NVL: variants seen among roughly 807,000 people sequenced by gnomAD.
NVL encodes nuclear valosin-containing protein-like.
In NVL, 84 loss-of-function variants were observed where a neutral mutation model predicts 110.2. The observed-to-expected ratio is 0.76, with a 90% CI of 0.64 to 0.91. NVL has a LOEUF of 0.91. NVL is among the 40% of genes least tolerant of loss of function. The pLI, the probability that NVL is intolerant of heterozygous loss-of-function variation, is 0.00. For synonymous variants in NVL, 354 were observed against 361.1 expected (o/e 0.98, Z 0.22); for missense variants, 882 against 1,035.9 (o/e 0.85, Z 2.04).
chr1:224,301,177 TAC>T (rs1311651075), intron 9 of NVL, among the ~76,000 whole-genome samples: 2 of 152,300 alleles, frequency 1.3e-5, no homozygotes, highest in African/African-American at 4.8e-5. Context: ...TTTTATTTTA[TAC>T]ATGTCACTAT....
rs529253060 is a variant in NVL at position 224,258,977 on chromosome 1, A to G, written c.2183-8659T>C. 8.7e-3 allele frequency among the ~76,000 whole-genome samples: 795 copies of G among 91,614 alleles called. 8 individuals are homozygous for G. The highest frequency in any genetic ancestry group is 0.013 in the Non-Finnish European group (543 of 41,794). 60.1% of individuals were successfully genotyped at this position (91,614 alleles called of 152,430 possible). On this transcript the variant is annotated intron_variant, in intron 18 of 22. Transcript: ENST00000281701. ...GGTTAACATGAGACCCTGTCTCTAC[A>G]TTAAAAAAAAAAAAAAAAAAAAAAA...
intron 16 of NVL, among the ~76,000 whole-genome samples, chr1:224,280,182 T>TTG (rs1306962565): frequency 6.7e-6 from 1 of 150,180 alleles, no homozygotes; most frequent in African/African-American, 2.4e-5. Context: ...TTTTTTTGTT[T>TTG]TTTTTTTTTT....
intron 6 of NVL, 41 bp from the exon 7 acceptor site, chr1:224,305,207 C>A (rs776117341): frequency 1.9e-6 from 3 of 1,568,700 alleles, no homozygotes; most frequent in South Asian, 2.4e-5. Flanking sequence ...GCTTAAAATT[C>A]TATGCCAATA....
Position 224,308,244 on chromosome 1 carries a change from C to G in NVL, c.362G>C (p.Ser121Thr), listed in dbSNP as rs768250156. The change falls in exon 6 of 23, where the codon AGT becomes ACT. Residue 121 changes from serine to threonine, a missense_variant. This residue lies in a region of NVL where 274 missense variants were observed against 268.4 expected (regional missense o/e 1.02). Coordinates refer to ENST00000281701, the MANE Select transcript of NVL (RefSeq NM_002533.4). The stretch of plus-strand genomic sequence containing the variant: ...TTTCCGATATAAAGACAGCAGGGAA[C>G]TGTTCATGTGATTTGCTGACTGGCA... The part of the protein sequence containing the change: ...PDPQSANHMN[S>T]SLLSLYRKGN... 1.2e-5 allele frequency: 19 copies of G among 1,607,252 alleles called. No individual in the cohort carries two copies. In the Admixed American group the frequency reaches 2.9e-4, roughly 25 times the overall value.
At position 224,303,713 on chromosome 1, in the gene NVL, C is replaced by A; in HGVS notation, c.960+10G>T. ...AACAGCAAAAGCAAACAAATGTCAG[C>A]AAGCCTCACCCCAGCAATTGCATGT... On this transcript the variant is annotated intron_variant, in intron 9 of 22. Transcript: ENST00000281701. 1 of 1,599,342 alleles carries A rather than the reference C, an allele frequency of 6.3e-7. No individual in the cohort carries two copies. Among genetic ancestry groups the A allele is most frequent in the Non-Finnish European group, 8.5e-7 (1 of 1,173,146 alleles).
chr1:224,326,946 A>G (rs867165907), intron 1 of NVL, among the ~76,000 whole-genome samples: 1 of 152,202 alleles, frequency 6.6e-6, no homozygotes. Context: ...GTTTGAGACC[A>G]CCCTGGGCAA....
chr1:224,294,324 G>A lies in NVL; in HGVS notation c.1268C>T (p.Ala423Val), dbSNP rs781514862. The A allele has an allele frequency of 8.1e-6, 13 of 1,613,870 alleles. No individual in the cohort carries two copies. Among genetic ancestry groups the A allele is most frequent in the South Asian group, 2.2e-5 (2 of 91,068 alleles). Residue 423 changes from alanine to valine, a missense_variant, in exon 12 of 23, where the codon GCG becomes GTG. Ala to Val is a moderately conservative substitution (Grantham distance 64). Around this residue, in one of 4 missense-constraint regions of NVL, gnomAD observed 416 missense variants for 499.3 expected, o/e 0.83. Transcript: ENST00000281701. ...PDSLDPALRR[A>V]GRFDREICLG... ...GCATATTTCTCGGTCGAACCTTCCCGCACGTCTCAAAGCAGGGTCTAACGA... is the reference window on the plus strand; with the variant it reads ...GCATATTTCTCGGTCGAACCTTCCCACACGTCTCAAAGCAGGGTCTAACGA...
At chr1:224,265,743 T>C (rs1049131198) in intron 18 of NVL, among the ~76,000 whole-genome samples, 4 of 151,860 alleles carry the variant, frequency 2.6e-5, no homozygotes, top group African/African-American at 9.7e-5. Flanking sequence ...TTCAAGAGAG[T>C]GGGTAAGTTA....
chr1:224,271,095 CAGG>C (rs1665048565), intron 17 of NVL, among the ~76,000 whole-genome samples: 1 of 152,274 alleles, frequency 6.6e-6, no homozygotes, highest in African/African-American at 2.4e-5. Context: ...ATGTCCAAAA[CAGG>C]AGAATTATTA....
intron 19 of NVL, among the ~76,000 whole-genome samples, chr1:224,249,221 G>A (rs1222859998): frequency 2.6e-5 from 4 of 152,004 alleles, no homozygotes; most frequent in Non-Finnish European, 5.9e-5. Context: ...TTGGCTGACT[G>A]CAACCTCCAC....
chr1:224,296,909 A>G (rs1667936989), intron 10 of NVL, among the ~76,000 whole-genome samples: 1 of 152,216 alleles, frequency 6.6e-6, no homozygotes, highest in African/African-American at 2.4e-5. Flanking sequence ...TAAATTAGAT[A>G]CATTTGCTAT....
intron 15 of NVL, among the ~76,000 whole-genome samples, chr1:224,281,871 C>G (rs1007718724): frequency 4.7e-5 from 7 of 149,576 alleles, no homozygotes; most frequent in Non-Finnish European, 8.9e-5. Flanking sequence ...GAGAATTGCT[C>G]GCACCCGGGA....
chr1:224,308,082 A>G lies in NVL; in HGVS notation c.524T>C (p.Ile175Thr). Reference sequence around the variant, plus strand: ...TTTCTTTACACTTGGGGTTTTGTCAATAAACCATCCTCCTTCAGAATCTTT... The same window carrying G: ...TTTCTTTACACTTGGGGTTTTGTCAGTAAACCATCCTCCTTCAGAATCTTT... The part of the protein sequence containing the change: ...PAKDSEGGWF[I>T]DKTPSVKKDS... Residue 175 changes from isoleucine to threonine, a missense_variant, in exon 6 of 23, where the codon ATT (isoleucine) becomes ACT (threonine). Ile to Thr is a moderately conservative substitution (Grantham distance 89). Coordinates refer to ENST00000281701, the MANE Select transcript of NVL (RefSeq NM_002533.4). The G allele has an allele frequency of 6.2e-7, 1 of 1,610,762 alleles. No individual in the cohort carries two copies. The highest frequency in any genetic ancestry group is 8.5e-7 in the Non-Finnish European group (1 of 1,179,052).
intron 18 of NVL, chr1:224,257,083 A>C (rs1382478217): frequency 1.9e-6 from 1 of 532,808 alleles, no homozygotes; most frequent in African/African-American, 1.9e-5. Context: ...CAACTTTGGG[A>C]AATCTGGGAA....
At position 224,247,049 on chromosome 1, in the gene NVL, C is replaced by T. The variant is rs115395077; in HGVS notation, c.2289+3163G>A. Among the ~76,000 whole-genome samples the T allele has an allele frequency of 8.8e-3, 1,195 of 135,092 alleles. 20 individuals are homozygous for T. Among genetic ancestry groups the T allele is most frequent in the African/African-American group, 0.033 (1,114 of 33,354 alleles). The allele number at this position is 135,092 out of a possible 152,430, so 88.6% of individuals were successfully genotyped here. A position where few individuals can be genotyped will look rare whatever the true frequency, so the allele number is the denominator to read the frequency against. On this transcript the variant is annotated intron_variant, in intron 19 of 22. Coordinates refer to ENST00000281701, the MANE Select transcript of NVL (RefSeq NM_002533.4). The stretch of plus-strand genomic sequence containing the variant: ...AAACAGGGTCTCTTTTTTTGACATA[C>T]TGTGTCAAAAAAAAAAAAAAAAAAA...
intron 18 of NVL, among the ~76,000 whole-genome samples, chr1:224,258,123 C>G (rs558670896): frequency 3.9e-5 from 6 of 152,260 alleles, no homozygotes; most frequent in Admixed American, 3.9e-4. Context: ...AGACAACCCA[C>G]AGATTGGTGA....
intron 9 of NVL, among the ~76,000 whole-genome samples, chr1:224,301,241 T>C (rs1363095073): frequency 6.6e-6 from 1 of 152,206 alleles, no homozygotes; most frequent in Non-Finnish European, 1.5e-5. Context: ...AAGAGGTATG[T>C]TATCCCCACT....
At chr1:224,271,010 T>C (rs1558283821) in intron 17 of NVL, among the ~76,000 whole-genome samples, 1 of 152,198 alleles carries the variant, frequency 6.6e-6, no homozygotes. Context: ...CTATCTCATA[T>C]AGTCCCATCA....
At chr1:224,261,122 C>T (rs1467253160) in intron 18 of NVL, among the ~76,000 whole-genome samples, 2 of 152,160 alleles carry the variant, frequency 1.3e-5, no homozygotes, top group Admixed American at 6.5e-5. Flanking sequence ...GATCTGCCCG[C>T]CTCGGCCTCC....
Sources: gnomAD v4.1 joint callset for allele counts (sites outside exome capture counted in the v4.1 genomes callset) on GRCh38, gnomAD v4.1.1 for gene constraint, gnomAD v4.1.1 regional missense constraint, MANE v1.5 for transcripts, NCBI Gene and HGNC (gene_info 2026-07-23, HGNC 2026-07-21) for gene names.